The following TAF2 variants were observed in gnomAD, a reference collection of about 807,000 sequenced individuals.
TAF2 encodes TATA-box binding protein associated factor 2.
Under a neutral mutation model 138.5 loss-of-function variants are expected in TAF2, and 61 were observed. The observed-to-expected ratio is 0.44, with a 90% CI of 0.36 to 0.54. The LOEUF is 0.54. TAF2 is among the 20% of genes least tolerant of loss of function. The pLI, the probability that TAF2 is intolerant of heterozygous loss-of-function variation, is 0.00. For missense variants in TAF2, 1,090 were observed against 1,427.9 expected, an observed-to-expected ratio of 0.76 and a Z score of 3.81; for synonymous variants, 475 against 469.9, an observed-to-expected ratio of 1.01 and a Z score of -0.14.
chr8:119,832,172 A>T (rs1486779724), intron 1 of TAF2, among the ~76,000 whole-genome samples: 10 of 141,666 alleles, frequency 7.1e-5, no homozygotes, highest in East Asian at 4.0e-4. Context: ...TTAAAAAATT[A>T]AAAAAAAAAA....
At chr8:119,764,534 C>T (rs1046490156) in intron 18 of TAF2, among the ~76,000 whole-genome samples, 8 of 152,170 alleles carry the variant, frequency 5.3e-5, no homozygotes, top group African/African-American at 1.9e-4. Flanking sequence ...ATACTAAAAA[C>T]ATTACCACAC....
intron 25 of TAF2, among the ~76,000 whole-genome samples, chr8:119,733,783 C>G (rs533943630): frequency 6.6e-6 from 1 of 151,844 alleles, no homozygotes; most frequent in East Asian, 1.9e-4. Flanking sequence ...TAAATCCGCC[C>G]CCCCCCATCC....
chr8:119,788,221 A>G (rs751325435), intron 14 of TAF2, 117 bp downstream of exon 14: 33 of 862,988 alleles, frequency 3.8e-5, no homozygotes, highest in Non-Finnish European at 5.3e-5. Flanking sequence ...CATGTATCCC[A>G]CAACTTAAAG....
At chr8:119,774,960 A>C (rs972302930) in intron 18 of TAF2, among the ~76,000 whole-genome samples, 7 of 150,954 alleles carry the variant, frequency 4.6e-5, no homozygotes, top group East Asian at 1.9e-4. Context: ...CTAACATGAC[A>C]AAAAAAAAGG....
At chr8:119,831,814 T>A (rs1826466178) in intron 1 of TAF2, 83 bp from the exon 2 acceptor site, 2 of 946,102 alleles carry the variant, frequency 2.1e-6, no homozygotes, top group African/African-American at 3.3e-5. Context: ...CAAGTATAAA[T>A]TAGGACTATG....
intron 13 of TAF2, 131 bp downstream of exon 13, chr8:119,788,659 T>C (rs1455477631): frequency 2.4e-6 from 2 of 816,464 alleles, no homozygotes; most frequent in Non-Finnish European, 4.2e-6. Context: ...TTTGACAAAG[T>C]CAATGTTTTC....
In TAF2 at chr8:119,732,133, G is replaced by A; in HGVS notation, c.3391C>T (p.Leu1131Phe). ...MSMHPAASAP[L>F]SVFTKESTAS... ...GTAGATTCCTTAGTAAAGACTGAGA[G>A]TGGAGCGCTTGCCGCTGGATGCATA... is the stretch of plus-strand genomic sequence containing the variant. The change falls in exon 26 of 26, where the codon CTC (leucine) becomes TTC (phenylalanine). Residue 1131 changes from leucine (L) to phenylalanine (F), a missense_variant. By Grantham distance (22) the Leu-to-Phe change is conservative. Coordinates refer to ENST00000378164, the MANE Select transcript of TAF2 (RefSeq NM_003184.4). The A allele has an allele frequency of 6.2e-7, 1 of 1,614,188 alleles. No individual in the cohort carries two copies. Among genetic ancestry groups the A allele is most frequent in the Non-Finnish European group, 8.5e-7 (1 of 1,180,028 alleles).
At chr8:119,744,455 A>G (rs924277868) in intron 23 of TAF2, 62 bp from the exon 24 acceptor site, 2 of 1,432,998 alleles carry the variant, frequency 1.4e-6, no homozygotes, top group African/African-American at 2.8e-5. Context: ...ATGTTTGGAT[A>G]TTAGCTCTTA....
At chr8:119,742,941 C>T (rs759858125) in intron 24 of TAF2, among the ~76,000 whole-genome samples, 15 of 151,832 alleles carry the variant, frequency 9.9e-5, no homozygotes, top group Middle Eastern at 3.4e-3. Context: ...TGGTGGTGCG[C>T]GCCTGTAGTC....
At chr8:119,751,883 T>C (rs1820377770) in intron 22 of TAF2, among the ~76,000 whole-genome samples, 1 of 152,168 alleles carries the variant, frequency 6.6e-6, no homozygotes, top group Non-Finnish European at 1.5e-5. Context: ...AAAGCTGTCA[T>C]GGGAATTGCA....
rs72688294 is a variant in TAF2 at position 119,793,509 on chromosome 8, T to A, written c.1192-58A>T. 8 of 1,230,842 alleles carry A rather than the reference T, an allele frequency of 6.5e-6. No homozygotes were observed. The East Asian group carries it at 1.7e-4, about 25-fold the overall frequency. The allele number at this position is 1,230,842 out of a possible 1,614,324, so 76.2% of individuals were successfully genotyped here. A position where few individuals can be genotyped will look rare whatever the true frequency, so the allele number is the denominator to read the frequency against. On this transcript the variant is annotated intron_variant, in intron 9 of 25. Coordinates refer to ENST00000378164, the MANE Select transcript of TAF2 (RefSeq NM_003184.4). Reference sequence around the variant, plus strand: ...ATTTGTAAAGTAACATTTTTTTACATACCAAATTTTAGAATTAAACTGTGA... The same window carrying A: ...ATTTGTAAAGTAACATTTTTTTACAAACCAAATTTTAGAATTAAACTGTGA...
At chr8:119,825,532 G>A (rs891186257) in intron 2 of TAF2, among the ~76,000 whole-genome samples, 1 of 152,174 alleles carries the variant, frequency 6.6e-6, no homozygotes, top group African/African-American at 2.4e-5. Flanking sequence ...GCCAGGGGCA[G>A]AATGATACAA....
At chr8:119,769,723 G>C (rs1394027832) in intron 18 of TAF2, among the ~76,000 whole-genome samples, 1 of 150,928 alleles carries the variant, frequency 6.6e-6, no homozygotes, top group Non-Finnish European at 1.5e-5. Flanking sequence ...GAATTTCAGA[G>C]CTTGAAGACT....
At chr8:119,803,432 T>C (rs146395898) in intron 5 of TAF2, among the ~76,000 whole-genome samples, 1,725 of 152,350 alleles carry the variant, frequency 0.011, 39 homozygotes, top group African/African-American at 0.04. Context: ...GGCTCATGCC[T>C]GTAATCCCAG....
chr8:119,788,969 C>A, intron 12 of TAF2, 65 bp from the exon 13 acceptor site: 1 of 1,068,718 alleles, frequency 9.4e-7, no homozygotes, highest in Middle Eastern at 2.4e-4. Flanking sequence ...GTAAGTTATC[C>A]ATCATGGTAT....
At chr8:119,772,714 A>G (rs1821931912) in intron 18 of TAF2, among the ~76,000 whole-genome samples, 1 of 152,130 alleles carries the variant, frequency 6.6e-6, no homozygotes, top group Non-Finnish European at 1.5e-5. Context: ...AGGTGGGCAG[A>G]TCACCTGAGG....
At chr8:119,825,179 A>G (rs1826022186) in intron 2 of TAF2, among the ~76,000 whole-genome samples, 1 of 152,228 alleles carries the variant, frequency 6.6e-6, no homozygotes. Context: ...CATCAGCATG[A>G]CCTGGATGTG....
chr8:119,759,236 T>A (rs1469582440), intron 20 of TAF2, among the ~76,000 whole-genome samples: 1 of 152,110 alleles, frequency 6.6e-6, no homozygotes, highest in Non-Finnish European at 1.5e-5. Context: ...TAACCTTCAA[T>A]AAAAAGGAAG....
Position 119,744,283 on chromosome 8 carries a change from C to T in TAF2, c.3214+5G>A. The T allele has an allele frequency of 6.2e-7, 1 of 1,612,850 alleles. No individual in the cohort carries two copies. The highest frequency in any genetic ancestry group is 2.2e-5 in the East Asian group (1 of 44,822). ...TCCTCAATGATTGCAGAATACTAATCTTACCTGGAGTTGACGGCCTTTCAA... is the reference window on the plus strand; with the variant it reads ...TCCTCAATGATTGCAGAATACTAATTTTACCTGGAGTTGACGGCCTTTCAA... On this transcript the variant is annotated splice_donor_5th_base_variant and intron_variant, in intron 24 of 25. Transcript: ENST00000378164.
Sources: allele counts gnomAD v4.1 joint callset (sites outside exome capture counted in the v4.1 genomes callset), GRCh38; gene constraint gnomAD v4.1.1; transcripts MANE v1.5; gene names NCBI Gene and HGNC (gene_info 2026-07-23, HGNC 2026-07-21).